Variants in NAV3 observed in about 807,000 individuals in gnomAD.
NAV3 encodes neuron navigator 3, also known as pore membrane and/or filament interacting like protein 1.
In NAV3, 87 loss-of-function variants were observed where a neutral mutation model predicts 244.7. That is an observed-to-expected ratio of 0.36 (90% CI 0.30 to 0.42). The LOEUF is 0.42. NAV3 is among the 20% of genes least tolerant of loss of function. The probability of loss-of-function intolerance (pLI) is 1.00; values close to 1 mark genes in which losing one functional copy is unlikely to be tolerated. For missense variants in NAV3, 2,663 were observed against 2,893.3 expected (o/e 0.92, Z 1.83); for synonymous variants, 1,126 against 1,042.2 (o/e 1.08, Z -1.55).
rs116303618 is a variant in NAV3 at position 78,102,157 on chromosome 12, G to C, written c.2637-14615G>C. ...AGACAAGGAAAGTCCCTTCCACTAT[G>C]AGCCTGTAAAATCACAAGCAAGCTA... On this transcript the variant is annotated intron_variant, in intron 12 of 39. Coordinates refer to ENST00000397909, the MANE Select transcript of NAV3 (RefSeq NM_001024383.2). Among the ~76,000 whole-genome samples the C allele has an allele frequency of 1.3e-3, 200 of 152,234 alleles. 1 individual carries two copies. The highest frequency in any genetic ancestry group is 4.6e-3 in the African/African-American group (192 of 41,542).
At chr12:78,024,032 T>A (rs1877588444) in intron 9 of NAV3, among the ~76,000 whole-genome samples, 1 of 152,150 alleles carries the variant, frequency 6.6e-6, no homozygotes, top group African/African-American at 2.4e-5. Flanking sequence ...GATTATATAC[T>A]CCTATCATTT....
chr12:77,748,996 T>C (rs182206794), intron 2 of NAV3, among the ~76,000 whole-genome samples: 1 of 152,358 alleles, frequency 6.6e-6, no homozygotes, highest in Admixed American at 6.5e-5. Context: ...TATACAATTT[T>C]ATTTGTCAAT....
chr12:77,811,337 A>T (rs113121125), intron 2 of NAV3, among the ~76,000 whole-genome samples: 3,377 of 152,266 alleles, frequency 0.022, 122 homozygotes, highest in African/African-American at 0.078. Flanking sequence ...CCTAAAATCT[A>T]GTTGGAATGA....
intron 1 of NAV3, among the ~76,000 whole-genome samples, chr12:77,870,109 G>A (rs1880713901): frequency 6.6e-6 from 1 of 152,128 alleles, no homozygotes; most frequent in Non-Finnish European, 1.5e-5. Context: ...GCTCACTCCT[G>A]TAATCCCAGC....
chr12:78,006,825 T>C lies in NAV3; in HGVS notation c.1287T>C (p.Gly429=), dbSNP rs2136572520. Residue 429 remains glycine, a synonymous_variant, in exon 8 of 40, where the codon GGT becomes GGC. Coordinates refer to ENST00000397909, the MANE Select transcript of NAV3 (RefSeq NM_001024383.2). Reference sequence around the variant, plus strand: ...GTGAAATGGAAGGTTTTAACAGTGGTCTGAATAGTGGTGGCTCAACAAATA... The same window carrying C: ...GTGAAATGGAAGGTTTTAACAGTGGCCTGAATAGTGGTGGCTCAACAAATA... ...ESGEMEGFNS[G]LNSGGSTNSS... 1 of 1,614,110 alleles carries C rather than the reference T, an allele frequency of 6.2e-7. No homozygotes were observed. Among genetic ancestry groups the C allele is most frequent in the Non-Finnish European group, 8.5e-7 (1 of 1,180,020 alleles).
At chr12:77,881,890 G>A (rs955831673) in intron 1 of NAV3, among the ~76,000 whole-genome samples, 2 of 151,988 alleles carry the variant, frequency 1.3e-5, no homozygotes, top group Non-Finnish European at 2.9e-5. Context: ...ACTTCTACAA[G>A]GATAACTACA....
intron 2 of NAV3, among the ~76,000 whole-genome samples, chr12:77,671,764 A>G (rs1265447945): frequency 6.6e-6 from 1 of 152,160 alleles, no homozygotes; most frequent in Non-Finnish European, 1.5e-5. Flanking sequence ...TTGACTCAAG[A>G]TGGATCAGAC....
At chr12:77,866,370 A>G (rs1485580602) in intron 1 of NAV3, among the ~76,000 whole-genome samples, 1 of 152,198 alleles carries the variant, frequency 6.6e-6, no homozygotes, top group East Asian at 1.9e-4. Context: ...AGAACTTACT[A>G]CATCACAAAT....
chr12:78,200,519 A>G lies in NAV3; in HGVS notation c.6762A>G (p.Arg2254=), dbSNP rs149895953. ...LPCPMDVEGS[R]VWFMDLWNYS... is the part of the protein sequence containing the mutation. ...GCCCCATGGATGTAGAAGGTTCTAG[A>G]GTATGGTTCATGGATCTCTGGAACT... The change falls in exon 38 of 40, where the codon AGA becomes AGG. Residue 2254 remains arginine, a synonymous_variant. Coordinates refer to ENST00000397909, the MANE Select transcript of NAV3 (RefSeq NM_001024383.2). The G allele has an allele frequency of 1.2e-6, 2 of 1,603,166 alleles. No homozygotes were observed. The highest frequency in any genetic ancestry group is 1.3e-5 in the African/African-American group (1 of 74,618).
At chr12:78,132,451 A>G (rs2138928119) in intron 18 of NAV3, among the ~76,000 whole-genome samples, 1 of 152,246 alleles carries the variant, frequency 6.6e-6, no homozygotes, top group South Asian at 2.1e-4. Context: ...GACTTAAGTG[A>G]CACTGCCCTC....
intron 38 of NAV3, among the ~76,000 whole-genome samples, chr12:78,202,869 C>T (rs911206188): frequency 6.6e-6 from 1 of 152,016 alleles, no homozygotes; most frequent in African/African-American, 2.4e-5. Context: ...TTATATCTGT[C>T]GTGATCCATT....
chr12:78,188,391 T>A (rs2139845013), intron 32 of NAV3, 48 bp downstream of exon 32: 1 of 1,465,728 alleles, frequency 6.8e-7, no homozygotes, highest in Non-Finnish European at 9.4e-7. Context: ...TATGTTTCTC[T>A]TTAATTGTTT....
Position 78,006,486 on chromosome 12 carries a change from G to C in NAV3, c.948G>C (p.Gly316=), listed in dbSNP as rs374484482. The C allele has an allele frequency of 1.9e-6, 3 of 1,613,868 alleles. No homozygotes were observed. Among genetic ancestry groups the C allele is most frequent in the South Asian group, 2.2e-5 (2 of 91,078 alleles). Residue 316 remains glycine (G), a synonymous_variant, in exon 8 of 40, where the codon GGG becomes GGC. Transcript: ENST00000397909. ...ACGTGCAGCCTCCCAGTACTGCTGGGCAGCCTCCTGCCTCTGCCATCCCTT... is the reference window on the plus strand; with the variant it reads ...ACGTGCAGCCTCCCAGTACTGCTGGCCAGCCTCCTGCCTCTGCCATCCCTT... ...NGNVQPPSTA[G]QPPASAIPSP... is the part of the protein sequence containing the mutation.
intron 2 of NAV3, among the ~76,000 whole-genome samples, chr12:77,706,631 G>A (rs1275515775): frequency 6.6e-6 from 1 of 151,094 alleles, no homozygotes; most frequent in Non-Finnish European, 1.5e-5. Flanking sequence ...AGCACTTTGG[G>A]AGGCTGAGGC....
At chr12:77,918,878 C>A (rs984677479) in intron 1 of NAV3, among the ~76,000 whole-genome samples, 3 of 151,928 alleles carry the variant, frequency 2.0e-5, no homozygotes, top group Non-Finnish European at 4.4e-5. Flanking sequence ...GCCAAATGAC[C>A]AACCCAAATT....
At chr12:77,621,018 T>A (rs902400196) in intron 2 of NAV3, among the ~76,000 whole-genome samples, 1 of 152,098 alleles carries the variant, frequency 6.6e-6, no homozygotes, top group Admixed American at 6.5e-5. Context: ...TGAGAAGGGG[T>A]GAAAAAGTAG....
chr12:78,105,104 A>T (rs887755800), intron 12 of NAV3, among the ~76,000 whole-genome samples: 5 of 152,146 alleles, frequency 3.3e-5, no homozygotes, highest in Non-Finnish European at 7.4e-5. Flanking sequence ...TTACCAATAT[A>T]CATTTATGAC....
intron 2 of NAV3, among the ~76,000 whole-genome samples, chr12:77,593,479 C>T (rs1385315169): frequency 2.0e-5 from 3 of 151,134 alleles, no homozygotes; most frequent in African/African-American, 7.3e-5. Flanking sequence ...TAGACAGAGA[C>T]TCACTCTGTT....
chr12:77,789,677 G>A (rs999661556), intron 2 of NAV3, among the ~76,000 whole-genome samples: 6 of 151,932 alleles, frequency 3.9e-5, no homozygotes, highest in South Asian at 2.1e-4. Context: ...GGGTGTGGTG[G>A]TGGGTGCCTG....
Sources: allele counts gnomAD v4.1 joint callset (sites outside exome capture counted in the v4.1 genomes callset), GRCh38; gene constraint gnomAD v4.1.1; transcripts MANE v1.5; gene names NCBI Gene and HGNC (gene_info 2026-07-23, HGNC 2026-07-21).